Variants in ACOT7 observed in about 807,000 individuals in gnomAD.
The protein encoded by ACOT7 is acyl-CoA thioesterase 7.
In ACOT7, 12 loss-of-function variants were observed where a neutral mutation model predicts 40.2. The ratio of observed to expected loss-of-function variants is 0.30; its 90% CI spans 0.19 to 0.48. The LOEUF (loss-of-function observed/expected upper bound fraction) is 0.48. Among genes scored for constraint, ACOT7 ranks in the 20% least tolerant of loss-of-function variants. The pLI, the probability that ACOT7 is intolerant of heterozygous loss-of-function variation, is 0.99. For missense variants in ACOT7, 395 were observed against 530.8 expected (o/e 0.74, Z 2.51); for synonymous variants, 228 against 219.5 (o/e 1.04, Z -0.34).
chr1:6,329,401 C>T (rs145952798), intron 4 of ACOT7, among the ~76,000 whole-genome samples: 61 of 152,258 alleles, frequency 4.0e-4, no homozygotes, highest in African/African-American at 1.4e-3. Context: ...GGCCAAGTAA[C>T]GACTGTGAGA....
chr1:6,292,346 G>A (rs984148445), intron 7 of ACOT7, among the ~76,000 whole-genome samples: 1 of 152,228 alleles, frequency 6.6e-6, no homozygotes, highest in African/African-American at 2.4e-5. Flanking sequence ...GGAATCAGGC[G>A]AGCCCACCCA....
chr1:6,295,012 C>T (rs1032484612), intron 6 of ACOT7, 32 bp from the exon 7 acceptor site: 1 of 1,525,268 alleles, frequency 6.6e-7, no homozygotes, highest in Non-Finnish European at 9.1e-7. Flanking sequence ...GCAGATGAGA[C>T]ACGGAGGCAG....
At chr1:6,286,297 G>C (rs1467625495) in intron 7 of ACOT7, among the ~76,000 whole-genome samples, 1 of 152,172 alleles carries the variant, frequency 6.6e-6, no homozygotes, top group Non-Finnish European at 1.5e-5. Context: ...CCTAGGAGAG[G>C]TGTGGATGCT....
chr1:6,314,596 G>A (rs76941483), intron 6 of ACOT7, among the ~76,000 whole-genome samples: 4,113 of 151,998 alleles, frequency 0.027, 198 homozygotes, highest in African/African-American at 0.094. Context: ...AAACGTGGGG[G>A]TAGTGGAGGG....
At chr1:6,374,927 C>G (rs889190478) in intron 1 of ACOT7, among the ~76,000 whole-genome samples, 1 of 152,178 alleles carries the variant, frequency 6.6e-6, no homozygotes, top group Non-Finnish European at 1.5e-5. Context: ...AGTTACATGG[C>G]TGAAGTTCCC....
rs760625600 is a variant in ACOT7 at position 6,330,374 on chromosome 1, A to G, written c.511-2961T>C. On this transcript the variant is annotated intron_variant, in intron 4 of 8. Coordinates refer to ENST00000361521, the MANE Select transcript of ACOT7 (RefSeq NM_007274.4). The surrounding 1 kb of genome is among the most constrained non-coding windows in gnomAD (Gnocchi z 4.6). ...CACCAGTGAAAAACAGGAGACCTAG[A>G]TTCCAAATCAGTGGGAGGTTTATAC... 2.0e-5 allele frequency among the ~76,000 whole-genome samples: 3 copies of G among 152,156 alleles called. No homozygotes were observed. The highest frequency in any genetic ancestry group is 2.9e-5 in the Non-Finnish European group (2 of 68,028).
At chr1:6,322,505 C>A (rs955703537) in intron 5 of ACOT7, among the ~76,000 whole-genome samples, 1 of 152,218 alleles carries the variant, frequency 6.6e-6, no homozygotes, top group African/African-American at 2.4e-5. Flanking sequence ...GCGCCTTAAG[C>A]GGCAGAAATT....
chr1:6,370,226 A>C lies in ACOT7; in HGVS notation c.144-20360T>G, dbSNP rs540341048. Among the ~76,000 whole-genome samples, 5 of 152,218 alleles carry C rather than the reference A, an allele frequency of 3.3e-5. No individual in the cohort carries two copies. The East Asian group carries it at 7.7e-4, about 23-fold the overall frequency. The stretch of plus-strand genomic sequence containing the variant: ...CCCTTCCCCTTCTGCTGTAAGTAGA[A>C]GTGGCCTGAGTCCCTCGCCAGAAGA... On this transcript the variant is annotated intron_variant, in intron 1 of 8. Transcript: ENST00000361521.
At chr1:6,343,926 G>A (rs1386800272) in intron 2 of ACOT7, among the ~76,000 whole-genome samples, 3 of 152,378 alleles carry the variant, frequency 2.0e-5, no homozygotes. Flanking sequence ...GTGTGGGTCA[G>A]AGAAGCCTGG....
chr1:6,302,295 C>T (rs1312931344), intron 6 of ACOT7, among the ~76,000 whole-genome samples: 2 of 152,080 alleles, frequency 1.3e-5, no homozygotes, highest in Non-Finnish European at 2.9e-5. Context: ...GTCATCTGCA[C>T]CTCCCAGAGA....
At chr1:6,281,451 G>A (rs1008673309) in intron 7 of ACOT7, among the ~76,000 whole-genome samples, 165 bp from the exon 8 acceptor site, 1 of 152,244 alleles carries the variant, frequency 6.6e-6, no homozygotes, top group East Asian at 1.9e-4. Context: ...GTCGTTAGTT[G>A]CCCATGAATG....
chr1:6,300,385 C>T (rs1639932871), intron 6 of ACOT7, among the ~76,000 whole-genome samples: 1 of 151,672 alleles, frequency 6.6e-6, no homozygotes, highest in Non-Finnish European at 1.5e-5. Context: ...AACTCGGCTG[C>T]AAAGTCAGTG....
At chr1:6,357,451 G>C (rs149286587) in intron 1 of ACOT7, among the ~76,000 whole-genome samples, 1 of 152,152 alleles carries the variant, frequency 6.6e-6, no homozygotes, top group Non-Finnish European at 1.5e-5. Flanking sequence ...TCTGACAAAG[G>C]CCTCAAACCA....
chr1:6,381,959 C>G (rs1332041464), intron 1 of ACOT7, among the ~76,000 whole-genome samples: 1 of 145,384 alleles, frequency 6.9e-6, no homozygotes, highest in African/African-American at 2.7e-5. Flanking sequence ...ACGGTGAAAC[C>G]CCATCTCTAC....
At chr1:6,310,416 A>G (rs3789494) in intron 6 of ACOT7, among the ~76,000 whole-genome samples, 27,500 of 152,168 alleles carry the variant, frequency 0.18, 3,307 homozygotes, top group South Asian at 0.43. Flanking sequence ...GGCGCCCACC[A>G]GCGTGGGAGG....
intron 5 of ACOT7, among the ~76,000 whole-genome samples, chr1:6,326,783 G>A (rs544732315): frequency 3.6e-4 from 54 of 152,042 alleles, no homozygotes; most frequent in African/African-American, 1.2e-3. Flanking sequence ...AAAATTAGCC[G>A]GGCATGGTGG....
Position 6,338,723 on chromosome 1 carries a change from C to T in ACOT7, c.418+710G>A, listed in dbSNP as rs778110763. ...GCATGGGGAAGAGGAGGAAACCGGC[C>T]CAGCCTCTCTGCATGGGAGGACTGG... On this transcript the variant is annotated intron_variant, in intron 3 of 8. Coordinates refer to ENST00000361521, the MANE Select transcript of ACOT7 (RefSeq NM_007274.4). The surrounding 1 kb of genome is among the most constrained non-coding windows in gnomAD (Gnocchi z 4.4). 6.6e-6 allele frequency among the ~76,000 whole-genome samples: 1 copy of T among 152,086 alleles called. No individual in the cohort carries two copies. The highest frequency in any genetic ancestry group is 1.5e-5 in the Non-Finnish European group (1 of 68,014).
At chr1:6,292,029 T>TG (rs1469851524) in intron 7 of ACOT7, among the ~76,000 whole-genome samples, 1 of 152,178 alleles carries the variant, frequency 6.6e-6, no homozygotes, top group Non-Finnish European at 1.5e-5. Context: ...GCAAAGGACC[T>TG]GGCAGGTGTG....
Position 6,282,855 on chromosome 1 carries a change from A to G in ACOT7, c.830-1569T>C. 8.1e-7 allele frequency: 1 copy of G among 1,229,452 alleles called. No individual in the cohort carries two copies. The highest frequency in any genetic ancestry group is 1.1e-6 in the Non-Finnish European group (1 of 920,896). 76.2% of individuals were successfully genotyped at this position (1,229,452 alleles called of 1,614,324 possible). On this transcript the variant is annotated intron_variant, in intron 7 of 8. Transcript: ENST00000361521. The surrounding 1 kb of genome is among the most constrained non-coding windows in gnomAD (Gnocchi z 4.5). Reference sequence around the variant, plus strand: ...CAGTCACAAGACGCACCCCGGGAGGAGGGCAGGCCATGGGTCAGGCCCCAG... The same window carrying G: ...CAGTCACAAGACGCACCCCGGGAGGGGGGCAGGCCATGGGTCAGGCCCCAG...
Sources: allele counts gnomAD v4.1 joint callset (sites outside exome capture counted in the v4.1 genomes callset), GRCh38; gene constraint gnomAD v4.1.1; non-coding constraint Gnocchi (gnomAD v3.1); transcripts MANE v1.5; gene names NCBI Gene and HGNC (gene_info 2026-07-23, HGNC 2026-07-21).